The following MYH10 variants were observed in gnomAD, a reference collection of about 807,000 sequenced individuals.
MYH10 encodes the protein myosin-10.
In MYH10, 55 loss-of-function variants were observed where a neutral mutation model predicts 257.8. The observed-to-expected ratio is 0.21, with a 90% CI of 0.17 to 0.27. The LOEUF is 0.27. Ranked by LOEUF, MYH10 falls within the 10% of genes least tolerant of loss-of-function variation. MYH10 has a pLI of 1.00. For missense variants in MYH10, 1,631 were observed against 2,500.6 expected, an observed-to-expected ratio of 0.65 and a Z score of 7.42; for synonymous variants, 854 against 921.7, an observed-to-expected ratio of 0.93 and a Z score of 1.33.
intron 1 of MYH10, among the ~76,000 whole-genome samples, chr17:8,626,504 T>C (rs1218384872): frequency 1.3e-5 from 2 of 151,126 alleles, no homozygotes; most frequent in South Asian, 2.1e-4. Context: ...GAGGCAGAGG[T>C]TGTAGTGAGC....
intron 21 of MYH10, 140 bp from the exon 22 acceptor site, chr17:8,514,034 C>T (rs1043699985): frequency 4.4e-5 from 35 of 791,956 alleles, no homozygotes; most frequent in Admixed American, 3.4e-4. Context: ...CTGGGTGAGA[C>T]GCACAAGGAA....
Position 8,588,546 on chromosome 17 carries a change from G to A in MYH10, c.530+535C>T, listed in dbSNP as rs189682598. Among the ~76,000 whole-genome samples the A allele has an allele frequency of 6.6e-5, 10 of 152,282 alleles. No homozygotes were observed. The East Asian group carries it at 1.9e-3, about 29-fold the overall frequency. On this transcript the variant is annotated intron_variant, in intron 4 of 42. Transcript: ENST00000360416. The stretch of plus-strand genomic sequence containing the variant: ...CTTAAACGCAACCACTGCTCTCTAG[G>A]TTCATAACTACTTCTATACCTGAAG...
At chr17:8,518,496 A>G (rs1263418970) in intron 21 of MYH10, 135 bp downstream of exon 21, 7 of 857,824 alleles carry the variant, frequency 8.2e-6, no homozygotes, top group African/African-American at 1.7e-5. Context: ...TTACCTGACT[A>G]TCTCTGCCAC....
At chr17:8,567,308 C>T (rs532481107) in intron 7 of MYH10, among the ~76,000 whole-genome samples, 23 of 152,188 alleles carry the variant, frequency 1.5e-4, no homozygotes, top group Non-Finnish European at 2.4e-4. Flanking sequence ...TGTTAACCCA[C>T]TTTGCACATA....
chr17:8,545,421 G>A lies in MYH10; in HGVS notation c.1431+27C>T, dbSNP rs755061435. 1.2e-5 allele frequency: 20 copies of A among 1,609,866 alleles called. No individual in the cohort carries two copies. The highest frequency in any genetic ancestry group is 5.1e-5 in the Admixed American group (3 of 58,916). On this transcript the variant is annotated intron_variant, in intron 13 of 42. Transcript: ENST00000360416. This position sits in a 1 kb window ranked among gnomAD's most constrained non-coding sequence, Gnocchi z 4.7. The stretch of plus-strand genomic sequence containing the variant: ...TAAAAGAACAAACAAAAAGAAGGAC[G>A]AGCTAGAGGAAGAGGGGGAAGAATA...
At chr17:8,586,747 C>G (rs927819324) in intron 4 of MYH10, among the ~76,000 whole-genome samples, 11 of 152,130 alleles carry the variant, frequency 7.2e-5, no homozygotes, top group African/African-American at 2.4e-4. Flanking sequence ...AATAAGTACT[C>G]ACGAACTTTT....
At chr17:8,483,389 T>A (rs112221958) in intron 37 of MYH10, among the ~76,000 whole-genome samples, 2 of 152,266 alleles carry the variant, frequency 1.3e-5, no homozygotes, top group African/African-American at 4.8e-5. Flanking sequence ...TCTCTCAGGG[T>A]CGGCTCCGTG....
chr17:8,585,893 G>C (rs2083899938), intron 4 of MYH10, among the ~76,000 whole-genome samples: 1 of 152,190 alleles, frequency 6.6e-6, no homozygotes, highest in African/African-American at 2.4e-5. Flanking sequence ...TAAGTACTTA[G>C]GGGACAGTGT....
At chr17:8,555,948 A>G (rs990048952) in intron 7 of MYH10, among the ~76,000 whole-genome samples, 2 of 152,252 alleles carry the variant, frequency 1.3e-5, no homozygotes, top group Non-Finnish European at 1.5e-5. Flanking sequence ...AGTAGGACAA[A>G]CAACCCAATA....
chr17:8,589,871 T>C (rs2084056629), intron 3 of MYH10, among the ~76,000 whole-genome samples: 1 of 152,186 alleles, frequency 6.6e-6, no homozygotes, highest in African/African-American at 2.4e-5. Context: ...CTTATGAGTA[T>C]TACTATCCCT....
chr17:8,548,755 T>C lies in MYH10; in HGVS notation c.952A>G (p.Arg318Gly), dbSNP rs2082526370. ...GGAATATAGCCATTGGAGAGAAACC[T>C]GTAGTTATTAAATCCTTCAAGAAGC... is the stretch of plus-strand genomic sequence containing the variant. ...DLLLEGFNNY[R>G]FLSNGYIPIP... is the part of the protein sequence containing the mutation. Residue 318 changes from arginine (R) to glycine (G), a missense_variant, in exon 10 of 43, where the codon AGG becomes GGG. By Grantham distance (125) the Arg-to-Gly change is moderately radical. Coordinates refer to ENST00000360416, the MANE Select transcript of MYH10 (RefSeq NM_001256012.3). 6.2e-7 allele frequency: 1 copy of C among 1,612,852 alleles called. No homozygotes were observed. The highest frequency in any genetic ancestry group is 1.7e-5 in the Admixed American group (1 of 59,918).
At chr17:8,480,691 G>T in intron 38 of MYH10, 166 bp from the exon 39 acceptor site, 1 of 869,208 alleles carries the variant, frequency 1.2e-6, no homozygotes, top group Non-Finnish European at 1.8e-6. Flanking sequence ...TCCCACTGAT[G>T]ACACTTCCAA....
intron 1 of MYH10, among the ~76,000 whole-genome samples, chr17:8,628,298 A>C (rs2085759470): frequency 6.6e-6 from 1 of 152,156 alleles, no homozygotes; most frequent in South Asian, 2.1e-4. Context: ...TACAGAGCCA[A>C]AGTTGCCATC....
At chr17:8,554,125 T>C in intron 7 of MYH10, 107 bp from the exon 8 acceptor site, 1 of 757,080 alleles carries the variant, frequency 1.3e-6, no homozygotes, top group South Asian at 1.7e-5. Context: ...GTTACAATAA[T>C]GGATCTTATA....
At chr17:8,479,433 T>C (rs1039103083) in intron 40 of MYH10, among the ~76,000 whole-genome samples, 1 of 152,204 alleles carries the variant, frequency 6.6e-6, no homozygotes, top group Non-Finnish European at 1.5e-5. Context: ...TGAAAGGGTG[T>C]TTATGTTAAT....
chr17:8,479,328 G>A (rs1567764246), intron 40 of MYH10, among the ~76,000 whole-genome samples: 1 of 152,160 alleles, frequency 6.6e-6, no homozygotes. Flanking sequence ...CCCATATGAA[G>A]GAGAGGTAAC....
chr17:8,587,918 C>T (rs538671204), intron 4 of MYH10, among the ~76,000 whole-genome samples: 23 of 152,202 alleles, frequency 1.5e-4, no homozygotes, highest in Non-Finnish European at 2.4e-4. Flanking sequence ...TCTACCTCTT[C>T]GCTATCCCCA....
Position 8,492,419 on chromosome 17 carries a change from G to A in MYH10, c.4549C>T (p.Leu1517=), listed in dbSNP as rs957045601. 5 of 1,613,214 alleles carry A rather than the reference G, an allele frequency of 3.1e-6. No individual in the cohort carries two copies. The African/African-American group carries it at 5.3e-5, about 17-fold the overall frequency. ...AEAREKETKA[L]SLARALEEAL... Reference sequence around the variant, plus strand: ...TCCTCGAGGGCCCGGGCCAGTGACAGGGCTTTGGTTTCTTTCTCTCTGGCC... The same window carrying A: ...TCCTCGAGGGCCCGGGCCAGTGACAAGGCTTTGGTTTCTTTCTCTCTGGCC... Residue 1517 remains leucine, a synonymous_variant, in exon 34 of 43, where the codon CTG becomes TTG. Transcript: ENST00000360416.
In MYH10 at chr17:8,504,384, T is replaced by C. The variant is rs2081005673; in HGVS notation, c.3599+310A>G. On this transcript the variant is annotated intron_variant, in intron 28 of 42. Coordinates refer to ENST00000360416, the MANE Select transcript of MYH10 (RefSeq NM_001256012.3). This position sits in a 1 kb window ranked among gnomAD's most constrained non-coding sequence, Gnocchi z 5.6. The stretch of plus-strand genomic sequence containing the variant: ...TGGTCCTATCTATCTAAATCTCTTT[T>C]CACTGCCCCCTGCTCTGTGTAGTTG... Among the ~76,000 whole-genome samples, 1 of 152,132 alleles carries C rather than the reference T, an allele frequency of 6.6e-6. No homozygotes were observed. Among genetic ancestry groups the C allele is most frequent in the Non-Finnish European group, 1.5e-5 (1 of 68,036 alleles).
Sources: gnomAD v4.1 joint callset for allele counts (sites outside exome capture counted in the v4.1 genomes callset) on GRCh38, gnomAD v4.1.1 for gene constraint, Gnocchi (gnomAD v3.1) non-coding constraint, MANE v1.5 for transcripts, NCBI Gene and HGNC (gene_info 2026-07-23, HGNC 2026-07-21) for gene names.